PCDH9: variants seen among roughly 807,000 people sequenced by gnomAD.
PCDH9 encodes the protein protocadherin-9.
A neutral mutation model predicts 70.6 loss-of-function variants in PCDH9; 24 were observed. The ratio of observed to expected loss-of-function variants is 0.34; its 90% CI spans 0.25 to 0.48. The LOEUF is 0.48. Among genes scored for constraint, PCDH9 ranks in the 20% least tolerant of loss-of-function variants. The pLI, the probability that PCDH9 is intolerant of heterozygous loss-of-function variation, is 0.99. For synonymous variants in PCDH9, 562 were observed against 558.5 expected (o/e 1.01, Z -0.09); for missense variants, 1,281 against 1,503.6 (o/e 0.85, Z 2.45).
chr13:66,441,792 A>G (rs1319144604), intron 4 of PCDH9, among the ~76,000 whole-genome samples: 1 of 152,114 alleles, frequency 6.6e-6, no homozygotes, highest in Non-Finnish European at 1.5e-5. Context: ...ATAAAGAAAA[A>G]CTAAGATATT....
rs544020488 is a variant in PCDH9 at position 66,642,407 on chromosome 13, T to C, written c.3139-10996A>G. Among the ~76,000 whole-genome samples, 22 of 152,124 alleles carry C rather than the reference T, an allele frequency of 1.4e-4. 1 individual carries two copies. In the South Asian group the frequency reaches 4.4e-3, roughly 30 times the overall value. On this transcript the variant is annotated intron_variant, in intron 3 of 4. Coordinates refer to ENST00000377865, the MANE Select transcript of PCDH9 (RefSeq NM_203487.3). ...ATTTGTTTAGAAATATTTCATTGAGTGTAGAATTCATCATATGCAATTGTG... is the reference window on the plus strand; with the variant it reads ...ATTTGTTTAGAAATATTTCATTGAGCGTAGAATTCATCATATGCAATTGTG...
At chr13:66,664,529 G>A (rs937194464) in intron 3 of PCDH9, among the ~76,000 whole-genome samples, 1 of 151,906 alleles carries the variant, frequency 6.6e-6, no homozygotes, top group African/African-American at 2.4e-5. Flanking sequence ...CGTGATTTGG[G>A]TACATAATCA....
At chr13:66,931,342 T>TACAA (rs1400764965) in intron 2 of PCDH9, among the ~76,000 whole-genome samples, 1 of 152,132 alleles carries the variant, frequency 6.6e-6, no homozygotes, top group Non-Finnish European at 1.5e-5. Context: ...GGGTCTCCTT[T>TACAA]ACAAACAATA....
At chr13:67,075,227 G>A (rs1026563210) in intron 2 of PCDH9, among the ~76,000 whole-genome samples, 10 of 151,894 alleles carry the variant, frequency 6.6e-5, no homozygotes, top group Middle Eastern at 3.2e-3. Context: ...TGCTCCAAAC[G>A]TAGCCCACAT....
chr13:67,165,147 AACTT>A (rs1243870915), intron 2 of PCDH9, among the ~76,000 whole-genome samples: 1 of 152,214 alleles, frequency 6.6e-6, no homozygotes, highest in African/African-American at 2.4e-5. Flanking sequence ...CAGAAATTAA[AACTT>A]AATTTCTTTG....
intron 2 of PCDH9, among the ~76,000 whole-genome samples, chr13:66,999,995 G>T (rs1594372473): frequency 6.6e-6 from 1 of 152,066 alleles, no homozygotes; most frequent in Non-Finnish European, 1.5e-5. Context: ...TATACCCAAA[G>T]GGCTATAAAT....
chr13:66,903,449 G>A, intron 3 of PCDH9, 55 bp downstream of exon 3: 1 of 640,954 alleles, frequency 1.6e-6, no homozygotes, highest in Admixed American at 2.6e-5. Context: ...TTAAAATCAT[G>A]AGGAAAATGA....
At chr13:67,053,590 G>T (rs1279908665) in intron 2 of PCDH9, among the ~76,000 whole-genome samples, 1 of 152,084 alleles carries the variant, frequency 6.6e-6, no homozygotes, top group Admixed American at 6.6e-5. Flanking sequence ...ATCTCAAAAG[G>T]AGTGACTTTA....
intron 2 of PCDH9, among the ~76,000 whole-genome samples, chr13:67,096,971 G>A (rs989886315): frequency 7.2e-5 from 11 of 151,896 alleles, no homozygotes; most frequent in African/African-American, 1.2e-4. Flanking sequence ...TTTTAAGGCC[G>A]GGCACAGTGG....
At chr13:66,447,475 T>G (rs1354017448) in intron 4 of PCDH9, among the ~76,000 whole-genome samples, 1 of 152,140 alleles carries the variant, frequency 6.6e-6, no homozygotes, top group South Asian at 2.1e-4. Context: ...AGAAATTTAC[T>G]TGTGTCTCTC....
rs372247731 is a variant in PCDH9 at position 66,521,385 on chromosome 13, A to G, written c.3340+109825T>C. Among the ~76,000 whole-genome samples, 26 of 152,274 alleles carry G rather than the reference A, an allele frequency of 1.7e-4. 1 individual carries two copies. The South Asian group carries it at 5.4e-3, about 32-fold the overall frequency. On this transcript the variant is annotated intron_variant, in intron 4 of 4. Transcript: ENST00000377865. ...GTCGGTAGTTTCTGCCACATGATGC[A>G]GAATCTTGCTCTCTGTCAGTCACTC...
At chr13:66,622,360 C>T (rs918009489) in intron 4 of PCDH9, among the ~76,000 whole-genome samples, 1 of 152,200 alleles carries the variant, frequency 6.6e-6, no homozygotes, top group Admixed American at 6.5e-5. Flanking sequence ...TGGCAGGCAG[C>T]TCCACCTGCA....
chr13:66,723,696 A>G (rs1324222192), intron 3 of PCDH9, among the ~76,000 whole-genome samples: 10 of 152,204 alleles, frequency 6.6e-5, no homozygotes, highest in Admixed American at 2.6e-4. Flanking sequence ...AGGTTGGGTA[A>G]CAAAAGATCC....
At chr13:66,745,888 A>T (rs910395992) in intron 3 of PCDH9, among the ~76,000 whole-genome samples, 1 of 152,164 alleles carries the variant, frequency 6.6e-6, no homozygotes, top group African/African-American at 2.4e-5. Context: ...CAACAAGGAG[A>T]ACATTTTTAC....
chr13:67,020,219 C>T (rs9529169), intron 2 of PCDH9, among the ~76,000 whole-genome samples: 14,304 of 152,150 alleles, frequency 0.094, 753 homozygotes, highest in Non-Finnish European at 0.12. Context: ...AACACAACAA[C>T]AAAAGCTTTT....
intron 3 of PCDH9, among the ~76,000 whole-genome samples, chr13:66,832,180 T>G (rs569764478): frequency 6.6e-6 from 1 of 152,196 alleles, no homozygotes; most frequent in East Asian, 1.9e-4. Flanking sequence ...GATTAAAAAA[T>G]TAATGATTAT....
At chr13:66,947,954 T>C (rs142266493) in intron 2 of PCDH9, among the ~76,000 whole-genome samples, 2 of 152,202 alleles carry the variant, frequency 1.3e-5, no homozygotes, top group Non-Finnish European at 2.9e-5. Flanking sequence ...ATTGGAACTA[T>C]CTAACCTAGA....
intron 3 of PCDH9, among the ~76,000 whole-genome samples, chr13:66,831,003 T>C (rs924737704): frequency 6.6e-6 from 1 of 152,210 alleles, no homozygotes; most frequent in African/African-American, 2.4e-5. Flanking sequence ...ATTAAAAATA[T>C]CCCTTAGGGT....
At chr13:66,476,464 GATTTGCAATCCTA>G (rs1958731636) in intron 4 of PCDH9, among the ~76,000 whole-genome samples, 1 of 151,894 alleles carries the variant, frequency 6.6e-6, no homozygotes, top group Non-Finnish European at 1.5e-5. Context: ...TCCATTTGAT[GATTTGCAATCCTA>G]ATTAACTGTA....
Sources: gnomAD v4.1 joint callset for allele counts (sites outside exome capture counted in the v4.1 genomes callset) on GRCh38, gnomAD v4.1.1 for gene constraint, MANE v1.5 for transcripts, NCBI Gene and HGNC (gene_info 2026-07-23, HGNC 2026-07-21) for gene names.